Variants in ADD1 observed in about 807,000 individuals in gnomAD.
ADD1 encodes the protein adducin 1.
A neutral mutation model predicts 80.5 loss-of-function variants in ADD1; 24 were observed. The ratio of observed to expected loss-of-function variants is 0.30; its 90% CI spans 0.22 to 0.42. ADD1 has a LOEUF of 0.42. Ranked by LOEUF, ADD1 falls within the 10% of genes least tolerant of loss-of-function variation. ADD1 has a pLI of 1.00. For synonymous variants in ADD1, 373 were observed against 393.8 expected, an observed-to-expected ratio of 0.95 and a Z score of 0.63; for missense variants, 948 against 1,019.0, an observed-to-expected ratio of 0.93 and a Z score of 0.95.
intron 1 of ADD1, among the ~76,000 whole-genome samples, chr4:2,873,308 T>G (rs1458202344): frequency 6.6e-6 from 1 of 152,146 alleles, no homozygotes; most frequent in Non-Finnish European, 1.5e-5. Flanking sequence ...AACTTCTCTG[T>G]AGAGATTTTA....
At chr4:2,851,313 T>TA in intron 1 of ADD1, among the ~76,000 whole-genome samples, 2 of 152,294 alleles carry the variant, frequency 1.3e-5, no homozygotes, top group East Asian at 3.9e-4. Context: ...GGAGTAATAA[T>TA]AATAACAGTC....
At chr4:2,902,641 A>C (rs1213316047) in intron 9 of ADD1, 1 of 152,246 alleles carries the variant, frequency 6.6e-6, no homozygotes, top group Non-Finnish European at 1.5e-5. Flanking sequence ...GAGGTAGAAG[A>C]AGCACTTGAA....
intron 4 of ADD1, among the ~76,000 whole-genome samples, chr4:2,889,603 C>G (rs1350110732): frequency 1.3e-5 from 2 of 151,420 alleles, no homozygotes; most frequent in African/African-American, 4.9e-5. Flanking sequence ...GGGTGGATCA[C>G]CTGACGTCAG....
chr4:2,882,229 G>A (rs926973594), intron 3 of ADD1, among the ~76,000 whole-genome samples, 169 bp downstream of exon 3: 3 of 152,212 alleles, frequency 2.0e-5, no homozygotes, highest in African/African-American at 7.2e-5. Flanking sequence ...CTGGAATTCT[G>A]AAATCATCTT....
At position 2,875,975 on chromosome 4, in the gene ADD1, C is replaced by A; in HGVS notation, c.60C>A (p.His20Gln). Residue 20 changes from histidine (H) to glutamine (Q), a missense_variant, in exon 2 of 16, where the codon CAC (histidine) becomes CAA (glutamine). By Grantham distance (24) the His-to-Gln change is conservative (BLOSUM62 0). Coordinates refer to ENST00000683351, the MANE Select transcript of ADD1 (RefSeq NM_001354761.2). ...VTSPPPTTAP[H>Q]KERYFDRVDE... is the part of the protein sequence containing the mutation. ...CACCACCCCCGACCACAGCCCCTCA[C>A]AAGGAGAGGTACTTCGACCGAGTAG... 6.2e-7 allele frequency: 1 copy of A among 1,613,970 alleles called. No individual in the cohort carries two copies. The highest frequency in any genetic ancestry group is 1.1e-5 in the South Asian group (1 of 91,030).
intron 13 of ADD1, among the ~76,000 whole-genome samples, chr4:2,910,486 A>G (rs1253962847): frequency 6.6e-6 from 1 of 152,190 alleles, no homozygotes; most frequent in South Asian, 2.1e-4. Flanking sequence ...GCAGGGGAGA[A>G]AGATGACTCT....
intron 1 of ADD1, among the ~76,000 whole-genome samples, chr4:2,864,195 C>T (rs575140070): frequency 2.6e-5 from 4 of 152,190 alleles, no homozygotes; most frequent in African/African-American, 9.6e-5. Context: ...GGCAGATTTC[C>T]TGAGTTCAGG....
chr4:2,927,478 A>C (rs1213917800), intron 15 of ADD1, among the ~76,000 whole-genome samples: 1 of 152,186 alleles, frequency 6.6e-6, no homozygotes, highest in Admixed American at 6.5e-5. Flanking sequence ...GTTGCTGGTA[A>C]CTTTGTAGGC....
rs180949211 is a variant in ADD1 at position 2,850,657 on chromosome 4, C to T, written c.-21+6633C>T. Among the ~76,000 whole-genome samples the T allele has an allele frequency of 1.1e-3, 166 of 152,336 alleles. 1 individual carries two copies. The highest frequency in any genetic ancestry group is 3.6e-3 in the Admixed American group (55 of 15,306). On this transcript the variant is annotated intron_variant, in intron 1 of 15. Transcript: ENST00000683351. ...AGCCAGGATGGTCTCAATCTCCTGA[C>T]CTCATGATCCGCCCGCCTCGGCCTC...
At chr4:2,898,572 A>G (rs765359110) in intron 8 of ADD1, 41 bp downstream of exon 8, 86 of 1,552,864 alleles carry the variant, frequency 5.5e-5, no homozygotes, top group Non-Finnish European at 7.5e-5. Context: ...GTTTATTTAG[A>G]TGTGTCTGGG....
chr4:2,904,524 T>C, intron 9 of ADD1: 1 of 569,190 alleles, frequency 1.8e-6, no homozygotes, highest in Non-Finnish European at 3.1e-6. Context: ...CCTATATGGA[T>C]GGACTTTTGG....
intron 1 of ADD1, among the ~76,000 whole-genome samples, chr4:2,862,111 A>G (rs954100319): frequency 6.6e-6 from 1 of 152,202 alleles, no homozygotes; most frequent in Non-Finnish European, 1.5e-5. Context: ...GAAGTTGGAT[A>G]GAAGAGGTAG....
In ADD1 at chr4:2,869,700, T is replaced by C. The variant is rs1730122829; in HGVS notation, c.-20-6196T>C. 1.3e-5 allele frequency among the ~76,000 whole-genome samples: 2 copies of C among 152,204 alleles called. 1 individual carries two copies. Among genetic ancestry groups the C allele is most frequent in the South Asian group, 4.1e-4 (2 of 4,832 alleles). On this transcript the variant is annotated intron_variant, in intron 1 of 15. Transcript: ENST00000683351. ...GAATTTTGTTTGTTATCTCCTGCTC[T>C]TCGTATTTTTCAGTCTCTGGTGCCT...
At chr4:2,894,987 A>G (rs1447695007) in intron 6 of ADD1, among the ~76,000 whole-genome samples, 1 of 152,132 alleles carries the variant, frequency 6.6e-6, no homozygotes, top group Admixed American at 6.5e-5. Flanking sequence ...TTGGCCGGGC[A>G]TGGTGGCTCA....
chr4:2,851,828 G>A (rs867985957), intron 1 of ADD1, among the ~76,000 whole-genome samples: 41 of 152,096 alleles, frequency 2.7e-4, no homozygotes, highest in Middle Eastern at 3.4e-3. Context: ...CCCACCATCC[G>A]GATACTCAGT....
intron 2 of ADD1, among the ~76,000 whole-genome samples, chr4:2,880,008 G>A (rs539693112): frequency 4.6e-5 from 7 of 152,262 alleles, no homozygotes; most frequent in East Asian, 1.9e-4. Flanking sequence ...AAGCCACTGC[G>A]CCTGCCCTAT....
intron 1 of ADD1, among the ~76,000 whole-genome samples, chr4:2,866,439 G>C (rs1364724664): frequency 1.3e-5 from 2 of 151,888 alleles, no homozygotes; most frequent in Admixed American, 1.3e-4. Flanking sequence ...GCCTCCCAGA[G>C]TGCTGGGATT....
rs1414915811 is a variant in ADD1 at position 2,909,425 on chromosome 4, T to C, written c.1785T>C (p.Phe595=). ...QTFSPAKSLS[F]RKGELVTASK... ...TTAGTCCCGCTAAATCTCTCTCTTTTAGAAAGGTACTCACTGCCCTGTCCT... is the reference window on the plus strand; with the variant it reads ...TTAGTCCCGCTAAATCTCTCTCTTTCAGAAAGGTACTCACTGCCCTGTCCT... The change falls in exon 13 of 16, where the codon TTT becomes TTC. Residue 595 remains phenylalanine, a synonymous_variant. Coordinates refer to ENST00000683351, the MANE Select transcript of ADD1 (RefSeq NM_001354761.2). The C allele has an allele frequency of 9.0e-6, 14 of 1,549,728 alleles. No homozygotes were observed. Among genetic ancestry groups the C allele is most frequent in the Non-Finnish European group, 1.2e-5 (14 of 1,146,326 alleles).
At position 2,910,849 on chromosome 4, in the gene ADD1, C is replaced by T. The variant is rs529531844; in HGVS notation, c.1791+1418C>T. Among the ~76,000 whole-genome samples, 36 of 152,296 alleles carry T rather than the reference C, an allele frequency of 2.4e-4. 1 individual carries two copies. Among genetic ancestry groups the T allele is most frequent in the Admixed American group, 1.9e-3 (29 of 15,306 alleles). Reference sequence around the variant, plus strand: ...GTCATTAGCAGAGAATACCACTGTACGCTGACCCCAGAGGAAGAGAGCTTG... The same window carrying T: ...GTCATTAGCAGAGAATACCACTGTATGCTGACCCCAGAGGAAGAGAGCTTG... On this transcript the variant is annotated intron_variant, in intron 13 of 15. Coordinates refer to ENST00000683351, the MANE Select transcript of ADD1 (RefSeq NM_001354761.2).
Sources: allele counts gnomAD v4.1 joint callset (sites outside exome capture counted in the v4.1 genomes callset), GRCh38; gene constraint gnomAD v4.1.1; transcripts MANE v1.5; gene names NCBI Gene and HGNC (gene_info 2026-07-23, HGNC 2026-07-21).